The following LDHB variants were observed in gnomAD, a reference collection of about 807,000 sequenced individuals.
The protein encoded by LDHB is lactate dehydrogenase B, also known as L-lactate dehydrogenase B chain.
A neutral mutation model predicts 33.4 loss-of-function variants in LDHB; 18 were observed. That is an observed-to-expected ratio of 0.54 (90% confidence interval 0.37 to 0.80). LDHB has a LOEUF of 0.80. LDHB is among the 30% of genes least tolerant of loss of function. The pLI is 0.00. For missense variants in LDHB, 345 were observed against 407.9 expected, an observed-to-expected ratio of 0.85 and a Z score of 1.33; for synonymous variants, 121 against 140.6, an observed-to-expected ratio of 0.86 and a Z score of 0.98.
intron 2 of LDHB, among the ~76,000 whole-genome samples, chr12:21,648,280 T>C (rs1464175886): frequency 6.6e-6 from 1 of 152,118 alleles, no homozygotes; most frequent in Non-Finnish European, 1.5e-5. Flanking sequence ...CAATATACGA[T>C]ACTCAAGGGA....
chr12:21,650,151 C>CACATATATAT (rs142403823), intron 2 of LDHB, among the ~76,000 whole-genome samples: 1 of 32,736 alleles, frequency 3.1e-5, no homozygotes, highest in African/African-American at 8.6e-5. Flanking sequence ...CACACACACA[C>CACATATATAT]GTCTCTCTCT....
chr12:21,638,239 TG>T, intron 6 of LDHB, 113 bp downstream of exon 6: 1 of 718,144 alleles, frequency 1.4e-6, no homozygotes. Flanking sequence ...AGATAACAGC[TG>T]CATAATTACT....
chr12:21,644,407 C>T (rs1424155623), intron 3 of LDHB, among the ~76,000 whole-genome samples: 3 of 54,244 alleles, frequency 5.5e-5, no homozygotes, highest in African/African-American at 2.0e-4. Flanking sequence ...TAAACAGTGA[C>T]TCCAATAGGT....
intron 5 of LDHB, among the ~76,000 whole-genome samples, chr12:21,639,327 G>A (rs1034118748): frequency 2.6e-5 from 4 of 151,862 alleles, no homozygotes; most frequent in Admixed American, 1.3e-4. Context: ...AAAAATAACA[G>A]CCATAATGTA....
Position 21,656,822 on chromosome 12 carries a change from T to C in LDHB, c.-7+929A>G, listed in dbSNP as rs117413267. On this transcript the variant is annotated intron_variant, in intron 1 of 7. Transcript: ENST00000350669. ...AACGGTAAAAATCTCTGAGTCTTGG[T>C]CCCTTATGTCTCCTCACTGCTGTGG... Among the ~76,000 whole-genome samples, 164 of 152,306 alleles carry C rather than the reference T, an allele frequency of 1.1e-3. 1 individual carries two copies. The East Asian group carries it at 0.025, about 24-fold the overall frequency.
At chr12:21,641,814 G>C (rs1217130947) in intron 5 of LDHB, 138 bp downstream of exon 5, 1 of 690,102 alleles carries the variant, frequency 1.4e-6, no homozygotes, top group Non-Finnish European at 2.4e-6. Flanking sequence ...AAATGGAATA[G>C]AATAGAAAAG....
At chr12:21,650,657 T>A (rs1405367162) in intron 2 of LDHB, among the ~76,000 whole-genome samples, 1 of 152,144 alleles carries the variant, frequency 6.6e-6, no homozygotes, top group African/African-American at 2.4e-5. Context: ...GATAATGGGA[T>A]AAAAGTAAAG....
intron 3 of LDHB, among the ~76,000 whole-genome samples, chr12:21,644,424 C>CAAAAAAAAAAAAACAAAAAA (rs1591830643): frequency 6.6e-5 from 1 of 15,266 alleles, no homozygotes; most frequent in Non-Finnish European, 2.0e-4. Flanking sequence ...AGGTAGACAT[C>CAAAAAAAAAAAAACAAAAAA]AAAAAAAAAA....
intron 2 of LDHB, 104 bp from the exon 3 acceptor site, chr12:21,647,120 T>C: frequency 1.4e-6 from 1 of 711,470 alleles, no homozygotes; most frequent in Non-Finnish European, 2.5e-6. Context: ...GCACCAAAGA[T>C]CTAAACATCT....
intron 2 of LDHB, among the ~76,000 whole-genome samples, chr12:21,653,247 TA>T (rs564436004): frequency 1.6e-4 from 24 of 152,320 alleles, no homozygotes; most frequent in African/African-American, 5.8e-4. Context: ...GTATTAGTGT[TA>T]AATCTCCTGA....
chr12:21,646,761 C>G lies in LDHB; in HGVS notation c.247+138G>C, dbSNP rs1479286146. The G allele has an allele frequency of 6.0e-6, 4 of 666,316 alleles. No individual in the cohort carries two copies. The East Asian group carries it at 1.1e-4, about 18-fold the overall frequency. The allele number at this position is 666,316 out of a possible 1,614,324, so 41.3% of individuals were successfully genotyped here. On this transcript the variant is annotated intron_variant, in intron 3 of 7. Transcript: ENST00000350669. ...AACTACATTATAAATATCTTATTAA[C>G]AGTTATTGAAATAACTGTTCCAAAA...
In LDHB at chr12:21,637,234, A is replaced by G. The variant is rs890653374; in HGVS notation, c.714-40T>C. On this transcript the variant is annotated intron_variant, in intron 6 of 7. Coordinates refer to ENST00000350669, the MANE Select transcript of LDHB (RefSeq NM_002300.8). ...AAAAGACATCACTGAAATAAGACTC[A>G]ATCATTATTGAAACCAGACCTGACT... 3 of 1,513,834 alleles carry G rather than the reference A, an allele frequency of 2.0e-6. No individual in the cohort carries two copies. The East Asian group carries it at 6.8e-5, about 34-fold the overall frequency. 93.8% of individuals were successfully genotyped at this position (1,513,834 alleles called of 1,614,324 possible). A position where few individuals can be genotyped will look rare whatever the true frequency, so the allele number is the denominator to read the frequency against.
intron 6 of LDHB, chr12:21,637,524 G>A: frequency 1.3e-5 from 3 of 237,194 alleles, no homozygotes; most frequent in East Asian, 2.1e-4. Context: ...CATAAAATCA[G>A]GAAACAATAA....
chr12:21,649,479 A>T (rs1938621085), intron 2 of LDHB, among the ~76,000 whole-genome samples: 1 of 152,198 alleles, frequency 6.6e-6, no homozygotes, highest in African/African-American at 2.4e-5. Context: ...TTCCATATAT[A>T]TATTTCACTT....
At chr12:21,652,445 T>G (rs1938717450) in intron 2 of LDHB, among the ~76,000 whole-genome samples, 1 of 152,236 alleles carries the variant, frequency 6.6e-6, no homozygotes, top group African/African-American at 2.4e-5. Context: ...GTATTTTATC[T>G]TTGAACATGG....
chr12:21,647,145 T>C, intron 2 of LDHB, 129 bp from the exon 3 acceptor site: 1 of 658,204 alleles, frequency 1.5e-6, no homozygotes, highest in South Asian at 1.8e-5. Context: ...AATTTTACCA[T>C]GGAGTTAGAT....
In LDHB at chr12:21,645,334, C is replaced by G. The variant is rs139520350; in HGVS notation, c.248-1226G>C. On this transcript the variant is annotated intron_variant, in intron 3 of 7. Coordinates refer to ENST00000350669, the MANE Select transcript of LDHB (RefSeq NM_002300.8). ...ATATGGCCTCGTGGGAAGGGAAAGA[C>G]CTGACTGTGGGAAGGGAAAGACCTG... Among the ~76,000 whole-genome samples the G allele has an allele frequency of 1.7e-3, 260 of 152,126 alleles. 2 individuals are homozygous for G. The highest frequency in any genetic ancestry group is 1.2e-3 in the Non-Finnish European group (79 of 67,980).
chr12:21,650,146 ACACACG>A lies in LDHB; in HGVS notation c.130-3136_130-3131del, dbSNP rs1228706253. Among the ~76,000 whole-genome samples the A allele has an allele frequency of 3.2e-3, 479 of 148,792 alleles. 10 individuals carry two copies. The highest frequency in any genetic ancestry group is 7.7e-3 in the African/African-American group (308 of 39,756). ...CACACACACACACACACACACACACACACACGTCTCTCTCTCCAAGTGTTTAGTATG... is the reference window on the plus strand; with the variant it reads ...CACACACACACACACACACACACACATCTCTCTCTCCAAGTGTTTAGTATG... On this transcript the variant is annotated intron_variant, in intron 2 of 7. Coordinates refer to ENST00000350669, the MANE Select transcript of LDHB (RefSeq NM_002300.8).
intron 2 of LDHB, among the ~76,000 whole-genome samples, chr12:21,647,712 G>A (rs1037071889): frequency 7.2e-5 from 11 of 151,850 alleles, no homozygotes; most frequent in Admixed American, 4.6e-4. Context: ...ACGGAGTCTC[G>A]CTCCGTTGCC....
Sources: gnomAD v4.1 joint callset for allele counts (sites outside exome capture counted in the v4.1 genomes callset) on GRCh38, gnomAD v4.1.1 for gene constraint, MANE v1.5 for transcripts, NCBI Gene and HGNC (gene_info 2026-07-23, HGNC 2026-07-21) for gene names.